Variants in TNIK observed in about 807,000 individuals in gnomAD.
TNIK encodes the protein TRAF2 and NCK interacting kinase, also known as TRAF2 and NCK-interacting protein kinase.
In TNIK, 49 loss-of-function variants were observed where a neutral mutation model predicts 191.3. The observed-to-expected ratio is 0.26, with a 90% confidence interval of 0.20 to 0.32. The LOEUF is 0.32. Among genes scored for constraint, TNIK ranks in the 10% least tolerant of loss-of-function variants. TNIK has a pLI of 1.00. For missense variants in TNIK, 1,155 were observed against 1,702.3 expected, an observed-to-expected ratio of 0.68 and a Z score of 5.66; for synonymous variants, 594 against 600.9, an observed-to-expected ratio of 0.99 and a Z score of 0.17.
At chr3:171,304,707 G>A (rs1184231579) in intron 2 of TNIK, among the ~76,000 whole-genome samples, 9 of 152,212 alleles carry the variant, frequency 5.9e-5, no homozygotes, top group African/African-American at 2.2e-4. Context: ...CATGTCCTTT[G>A]TAGGGACATG....
chr3:171,095,791 T>G (rs1426271615), intron 22 of TNIK, among the ~76,000 whole-genome samples: 1 of 152,224 alleles, frequency 6.6e-6, no homozygotes, highest in African/African-American at 2.4e-5. Context: ...AGCAGTGGAT[T>G]GAATGAATCT....
intron 4 of TNIK, among the ~76,000 whole-genome samples, chr3:171,201,895 G>A (rs1287394979): frequency 6.6e-6 from 1 of 152,102 alleles, no homozygotes; most frequent in Non-Finnish European, 1.5e-5. Context: ...GACTTCCAAA[G>A]ACAAAAAGAT....
intron 1 of TNIK, among the ~76,000 whole-genome samples, chr3:171,399,278 A>C (rs1720613756): frequency 6.6e-6 from 1 of 152,218 alleles, no homozygotes; most frequent in South Asian, 2.1e-4. Flanking sequence ...TCTGAAATTC[A>C]ACATGCAGTC....
chr3:171,146,145 C>G (rs76951059), intron 12 of TNIK, among the ~76,000 whole-genome samples: 6 of 152,168 alleles, frequency 3.9e-5, no homozygotes, highest in Admixed American at 1.3e-4. Context: ...GATTGGTGAC[C>G]GCCCTGGGCA....
chr3:171,079,602 T>C lies in TNIK; in HGVS notation c.3364A>G (p.Ile1122Val), dbSNP rs1720413297. Residue 1122 changes from isoleucine (I) to valine (V), a missense_variant, in exon 28 of 33, where the codon ATA (isoleucine) becomes GTA (valine). Physicochemically the swap from Ile to Val is conservative, Grantham distance 29. Transcript: ENST00000436636. ...TCTACTTCTGGGTCATTATGTAGTA[T>C]TCTGTTTCTTAACCATGAAAGATAG... ...VYYLSWLRNR[I>V]LHNDPEVEKK... 3 of 1,613,550 alleles carry C rather than the reference T, an allele frequency of 1.9e-6. No homozygotes were observed. Among genetic ancestry groups the C allele is most frequent in the Non-Finnish European group, 2.5e-6 (3 of 1,179,686 alleles).
intron 28 of TNIK, among the ~76,000 whole-genome samples, chr3:171,076,113 CT>C (rs371623919): frequency 3.5e-4 from 51 of 144,308 alleles, no homozygotes; most frequent in East Asian, 6.0e-4. Flanking sequence ...AGGTCAGGGG[CT>C]TTTTTTTTTT....
chr3:171,187,493 G>C (rs1737505578), intron 7 of TNIK, among the ~76,000 whole-genome samples: 2 of 152,088 alleles, frequency 1.3e-5, no homozygotes, highest in Non-Finnish European at 2.9e-5. Context: ...CCTCAAAAAC[G>C]CTGCAATGTT....
At chr3:171,308,272 A>G (rs1753672225) in intron 2 of TNIK, among the ~76,000 whole-genome samples, 1 of 152,122 alleles carries the variant, frequency 6.6e-6, no homozygotes, top group Non-Finnish European at 1.5e-5. Context: ...ATAAAGACAC[A>G]CGCCTACAAC....
At chr3:171,415,017 T>A (rs1722874392) in intron 1 of TNIK, among the ~76,000 whole-genome samples, 1 of 152,154 alleles carries the variant, frequency 6.6e-6, no homozygotes, top group Non-Finnish European at 1.5e-5. Flanking sequence ...TGGTCCAGTT[T>A]TCCACCAGTT....
chr3:171,117,270 A>G (rs1256232354), intron 18 of TNIK, among the ~76,000 whole-genome samples: 1 of 152,200 alleles, frequency 6.6e-6, no homozygotes, highest in Admixed American at 6.5e-5. Flanking sequence ...TTGCCTTGGG[A>G]AAAAATGAGG....
Position 171,373,709 on chromosome 3 carries a change from A to G in TNIK, c.58-4024T>C, listed in dbSNP as rs1003333011. On this transcript the variant is annotated intron_variant, in intron 1 of 32. Transcript: ENST00000436636. ...GCCTTGTGTTCCATCATTCTGTACT[A>G]TAACCAACACATGTCCCTCATGTCC... Among the ~76,000 whole-genome samples, 4 of 152,160 alleles carry G rather than the reference A, an allele frequency of 2.6e-5. No homozygotes were observed. In the East Asian group the frequency reaches 5.8e-4, roughly 22 times the overall value.
Position 171,082,318 on chromosome 3 carries a change from C to T in TNIK, c.3246G>A (p.Leu1082=). 6.2e-7 allele frequency: 1 copy of T among 1,613,872 alleles called. No homozygotes were observed. The highest frequency in any genetic ancestry group is 8.5e-7 in the Non-Finnish European group (1 of 1,179,832). The change falls in exon 27 of 33, where the codon CTG becomes CTA. Residue 1082 remains leucine, a synonymous_variant. Transcript: ENST00000436636. ...DRSGQGKVYN[L]INRRRFQQMD... Reference sequence around the variant, plus strand: ...TCTGCTGAAATCGCCTCCGGTTGATCAGATTATAGACTTTGCCTTGCCCAC... The same window carrying T: ...TCTGCTGAAATCGCCTCCGGTTGATTAGATTATAGACTTTGCCTTGCCCAC...
chr3:171,410,996 T>A (rs1475807016), intron 1 of TNIK, among the ~76,000 whole-genome samples: 1 of 151,946 alleles, frequency 6.6e-6, no homozygotes, highest in Non-Finnish European at 1.5e-5. Context: ...ACAGGGCTAA[T>A]GGCAGAATGA....
intron 18 of TNIK, among the ~76,000 whole-genome samples, chr3:171,113,279 C>G (rs766894568): frequency 6.6e-6 from 1 of 151,832 alleles, no homozygotes; most frequent in African/African-American, 2.4e-5. Context: ...AGGCTATTAC[C>G]GACGGGTAGA....
intron 1 of TNIK, among the ~76,000 whole-genome samples, chr3:171,455,234 T>C (rs1336187617): frequency 6.6e-6 from 1 of 152,012 alleles, no homozygotes; most frequent in Non-Finnish European, 1.5e-5. Context: ...TTTCTGAAGA[T>C]TATTTTCCTT....
chr3:171,100,992 T>C (rs1723456469), intron 22 of TNIK, among the ~76,000 whole-genome samples: 1 of 152,162 alleles, frequency 6.6e-6, no homozygotes, highest in South Asian at 2.1e-4. Flanking sequence ...GCTGGGATGG[T>C]AACGCATGCT....
At position 171,058,758 on chromosome 3, in the gene TNIK, T is replaced by C. The variant is rs1717574093; in HGVS notation, c.*5123A>G. Among the ~76,000 whole-genome samples the C allele has an allele frequency of 2.0e-5, 3 of 152,226 alleles. No homozygotes were observed. The highest frequency in any genetic ancestry group is 2.0e-4 in the Admixed American group (3 of 15,282). On this transcript the variant is annotated 3_prime_UTR_variant, in exon 33 of 33. Coordinates refer to ENST00000436636, the MANE Select transcript of TNIK (RefSeq NM_015028.4). ...ACAGCAAAATCGTAGTTTTCCCTTC[T>C]GATATTATACATTTGGCATCTCTCT...
At chr3:171,166,099 G>A (rs988368686) in intron 10 of TNIK, among the ~76,000 whole-genome samples, 1 of 152,152 alleles carries the variant, frequency 6.6e-6, no homozygotes, top group Non-Finnish European at 1.5e-5. Context: ...ATACCATACC[G>A]ATGATTATGG....
intron 2 of TNIK, among the ~76,000 whole-genome samples, chr3:171,357,157 C>G (rs1177222768): frequency 1.3e-5 from 2 of 152,164 alleles, no homozygotes; most frequent in Non-Finnish European, 2.9e-5. Flanking sequence ...TTTTACTTAT[C>G]AGGTATCAAA....
Sources: gnomAD v4.1 joint callset for allele counts (sites outside exome capture counted in the v4.1 genomes callset) on GRCh38, gnomAD v4.1.1 for gene constraint, MANE v1.5 for transcripts, NCBI Gene and HGNC (gene_info 2026-07-23, HGNC 2026-07-21) for gene names.